Variants in RRBP1 observed in about 807,000 individuals in gnomAD.
RRBP1 encodes the protein ribosome binding protein 1, also known as ribosome-binding protein 1.
Under a neutral mutation model 165.2 loss-of-function variants are expected in RRBP1, and 94 were observed. That is an observed-to-expected ratio of 0.57 (90% CI 0.48 to 0.68). The LOEUF (loss-of-function observed/expected upper bound fraction) is 0.68. RRBP1 is among the 30% of genes least tolerant of loss of function. The pLI is 0.00. For missense variants in RRBP1, 1,676 were observed against 1,763.0 expected, an observed-to-expected ratio of 0.95 and a Z score of 0.88; for synonymous variants, 680 against 714.5, an observed-to-expected ratio of 0.95 and a Z score of 0.77.
chr20:17,637,071 T>C (rs2036261957), intron 5 of RRBP1, among the ~76,000 whole-genome samples: 1 of 152,068 alleles, frequency 6.6e-6, no homozygotes, highest in Admixed American at 6.5e-5. Flanking sequence ...ACACCCCAGC[T>C]TGACTCAGTC....
chr20:17,674,115 C>CA (rs1019504707), intron 2 of RRBP1, among the ~76,000 whole-genome samples: 5 of 152,140 alleles, frequency 3.3e-5, no homozygotes, highest in Admixed American at 6.5e-5. Context: ...ATGAGAACTT[C>CA]AAAAAAACAC....
chr20:17,621,991 G>A, intron 13 of RRBP1, 44 bp from the exon 14 acceptor site: 2 of 1,487,288 alleles, frequency 1.3e-6, no homozygotes, highest in South Asian at 2.3e-5. Context: ...CAGCTGTGGA[G>A]GTGTGGGGCA....
intron 9 of RRBP1, 133 bp downstream of exon 9, chr20:17,629,690 C>A: frequency 2.2e-6 from 2 of 914,576 alleles, no homozygotes; most frequent in Non-Finnish European, 3.2e-6. Flanking sequence ...TTCTGAGGGG[C>A]AGTCAAGGGA....
intron 9 of RRBP1, 139 bp downstream of exon 9, chr20:17,629,684 G>A: frequency 2.3e-6 from 2 of 886,352 alleles, no homozygotes; most frequent in South Asian, 3.7e-5. Flanking sequence ...TTGACTTTCT[G>A]AGGGGCAGTC....
chr20:17,614,303 TC>T, intron 24 of RRBP1, 83 bp from the exon 25 acceptor site: 1 of 1,385,438 alleles, frequency 7.2e-7, no homozygotes, highest in Non-Finnish European at 1.0e-6. Context: ...GGGCCTTTAG[TC>T]CCTCCCTGGA....
intron 5 of RRBP1, among the ~76,000 whole-genome samples, chr20:17,641,259 G>A (rs1424398824): frequency 6.6e-6 from 1 of 152,242 alleles, no homozygotes; most frequent in Non-Finnish European, 1.5e-5. Context: ...GCTGTTCAGA[G>A]TGCAAATGCT....
chr20:17,679,307 C>G (rs6105788), intron 2 of RRBP1, among the ~76,000 whole-genome samples: 20,515 of 152,266 alleles, frequency 0.13, 1,632 homozygotes, highest in Middle Eastern at 0.24. Context: ...GGTATGGGGG[C>G]GCTGTCCGCC....
chr20:17,616,759 C>A lies in RRBP1; in HGVS notation c.3840G>T (p.Ala1280=), dbSNP rs371306215. 3 of 1,611,372 alleles carry A rather than the reference C, an allele frequency of 1.9e-6. No homozygotes were observed. The highest frequency in any genetic ancestry group is 3.4e-5 in the Admixed American group (2 of 59,618). The change falls in exon 21 of 25, where the codon GCG becomes GCT. Residue 1280 remains alanine, a synonymous_variant. Coordinates refer to ENST00000377813, the MANE Select transcript of RRBP1 (RefSeq NM_001365613.2). Reference sequence around the variant, plus strand: ...GAACGGGGTCCTGCTCGGCTGGGGGCGCCTCTGGGGAGGAAGCTGGGGCCC... The same window carrying A: ...GAACGGGGTCCTGCTCGGCTGGGGGAGCCTCTGGGGAGGAAGCTGGGGCCC... The part of the protein sequence containing the change: ...IAGAPASSPE[A]PPAEQDPVQL...
chr20:17,658,529 G>T, intron 3 of RRBP1, 67 bp downstream of exon 3: 1 of 1,384,844 alleles, frequency 7.2e-7, no homozygotes, highest in Non-Finnish European at 9.8e-7. Context: ...GGCACTCCCC[G>T]AGAGAATCCA....
At chr20:17,631,160 C>T (rs1386592868) in intron 8 of RRBP1, among the ~76,000 whole-genome samples, 1 of 152,250 alleles carries the variant, frequency 6.6e-6, no homozygotes, top group East Asian at 1.9e-4. Flanking sequence ...GCAAGCTGCT[C>T]CCAGAAAGCA....
At chr20:17,676,555 C>A (rs1054666736) in intron 2 of RRBP1, among the ~76,000 whole-genome samples, 1 of 152,188 alleles carries the variant, frequency 6.6e-6, no homozygotes, top group Non-Finnish European at 1.5e-5. Flanking sequence ...TCCGGTCACA[C>A]CGGACAGCCC....
At chr20:17,669,440 C>T (rs573846802) in intron 2 of RRBP1, among the ~76,000 whole-genome samples, 1 of 152,280 alleles carries the variant, frequency 6.6e-6, no homozygotes, top group South Asian at 2.1e-4. Flanking sequence ...ATGTGCTAGC[C>T]CACAAGGGAG....
intron 11 of RRBP1, among the ~76,000 whole-genome samples, chr20:17,626,794 C>T (rs2036030016): frequency 6.6e-6 from 1 of 152,204 alleles, no homozygotes; most frequent in South Asian, 2.1e-4. Flanking sequence ...TAAACACTCC[C>T]CGAACATGGC....
At position 17,633,498 on chromosome 20, in the gene RRBP1, T is replaced by G; in HGVS notation, c.2572A>C (p.Lys858Gln). 1 of 1,614,016 alleles carries G rather than the reference T, an allele frequency of 6.2e-7. No homozygotes were observed. The highest frequency in any genetic ancestry group is 8.5e-7 in the Non-Finnish European group (1 of 1,180,036). Residue 858 changes from lysine (K) to glutamine (Q), a missense_variant, in exon 8 of 25, where the codon AAG becomes CAG. Physicochemically the swap from Lys to Gln is moderately conservative, Grantham distance 53 (BLOSUM62 1). Coordinates refer to ENST00000377813, the MANE Select transcript of RRBP1 (RefSeq NM_001365613.2). ...DEQQRKALEA[K>Q]AAAFEKQVLQ... is the part of the protein sequence containing the mutation. ...ACCTGCTTCTCGAAGGCAGCTGCCT[T>G]GGCTTCCAGAGCTTTCCGCTGCTGC... is the stretch of plus-strand genomic sequence containing the variant.
chr20:17,627,449 C>T lies in RRBP1; in HGVS notation c.2928+55G>A, dbSNP rs911915677. 9 of 1,609,714 alleles carry T rather than the reference C, an allele frequency of 5.6e-6. No individual in the cohort carries two copies. The African/African-American group carries it at 8.0e-5, about 14-fold the overall frequency. On this transcript the variant is annotated intron_variant, in intron 10 of 24. Transcript: ENST00000377813. The stretch of plus-strand genomic sequence containing the variant: ...ATCTCACGCAGCGGGGCTAGTCCAC[C>T]CACCTGCTAGATGGAGTTCCCTTTC...
At position 17,659,289 on chromosome 20, in the gene RRBP1, T is replaced by A. The variant is rs202092306; in HGVS notation, c.1219A>T (p.Asn407Tyr). The change falls in exon 3 of 25, where the codon AAC becomes TAC. Residue 407 changes from asparagine (N) to tyrosine (Y), a missense_variant. This residue lies in a region of RRBP1 where 78 missense variants were observed against 115.6 expected (regional missense o/e 0.67). Coordinates refer to ENST00000377813, the MANE Select transcript of RRBP1 (RefSeq NM_001365613.2). ...GCCCCCTCGGCCTTTTTGCCCTGGT[T>A]CTGGGCACCCTCAGCCTTCTTGCCC... ...NQGKKAEGAQ[N>Y]QGKKAEGAQN... 5.7e-5 allele frequency: 87 copies of A among 1,525,418 alleles called. 1 individual carries two copies. The highest frequency in any genetic ancestry group is 1.7e-4 in the Middle Eastern group (1 of 5,928). The allele number at this position is 1,525,418 out of a possible 1,614,324, so 94.5% of individuals were successfully genotyped here.
intron 2 of RRBP1, among the ~76,000 whole-genome samples, chr20:17,673,233 C>T (rs944403562): frequency 2.0e-5 from 3 of 152,190 alleles, no homozygotes; most frequent in Non-Finnish European, 4.4e-5. Flanking sequence ...AGCCCTGTTA[C>T]TACTGCCACT....
At position 17,621,940 on chromosome 20, in the gene RRBP1, G is replaced by C. The variant is rs565633210; in HGVS notation, c.3155C>G (p.Ser1052Trp). The C allele has an allele frequency of 3.2e-6, 5 of 1,584,478 alleles. No individual in the cohort carries two copies. In the East Asian group the frequency reaches 9.0e-5, roughly 28 times the overall value. Residue 1052 changes from serine to tryptophan, a missense_variant, in exon 14 of 25, where the codon TCG becomes TGG. Ser to Trp is a radical substitution (Grantham distance 177, BLOSUM62 -3). Coordinates refer to ENST00000377813, the MANE Select transcript of RRBP1 (RefSeq NM_001365613.2). ...CTCAATCAGACAGAGCTGCTTCTCC[G>C]ATTCCTCCTGGGGGGTGGGTGGGGA... ...LLSLTQAKEE[S>W]EKQLCLIEAQ...
chr20:17,643,253 A>G lies in RRBP1; in HGVS notation c.1913-126T>C. On this transcript the variant is annotated intron_variant, in intron 3 of 24. Transcript: ENST00000377813. This position sits in a 1 kb window ranked among gnomAD's most constrained non-coding sequence, Gnocchi z 4.3. ...AAGAGCTCTCTGACTGCTTGGGGTCAGCAGGCTGAGCATGGCGAGTCTGCT... is the reference window on the plus strand; with the variant it reads ...AAGAGCTCTCTGACTGCTTGGGGTCGGCAGGCTGAGCATGGCGAGTCTGCT... 1.1e-6 allele frequency: 1 copy of G among 940,726 alleles called. No individual in the cohort carries two copies. The highest frequency in any genetic ancestry group is 1.6e-6 in the Non-Finnish European group (1 of 636,158). 58.3% of individuals were successfully genotyped at this position (940,726 alleles called of 1,614,324 possible).
Sources: gnomAD v4.1 joint callset for allele counts (sites outside exome capture counted in the v4.1 genomes callset) on GRCh38, gnomAD v4.1.1 for gene constraint, gnomAD v4.1.1 regional missense constraint, Gnocchi (gnomAD v3.1) non-coding constraint, MANE v1.5 for transcripts, NCBI Gene and HGNC (gene_info 2026-07-23, HGNC 2026-07-21) for gene names.